Variants in ACTL8 observed in about 807,000 individuals in gnomAD.
ACTL8 encodes actin-like protein 8.
In ACTL8, 3 loss-of-function variants were observed where a neutral mutation model predicts 9.3. The ratio of observed to expected loss-of-function variants is 0.32; its 90% CI spans 0.15 to 0.83. The LOEUF is 0.83. ACTL8 is among the 40% of genes least tolerant of loss of function. The pLI is 0.57. For synonymous variants in ACTL8, 224 were observed against 205.9 expected, an observed-to-expected ratio of 1.09 and a Z score of -0.75; for missense variants, 381 against 492.2, an observed-to-expected ratio of 0.77 and a Z score of 2.14.
At chr1:17,799,276 C>T (rs2066302551) in intron 1 of ACTL8, among the ~76,000 whole-genome samples, 1 of 152,216 alleles carries the variant, frequency 6.6e-6, no homozygotes. Flanking sequence ...CACATCTGTG[C>T]CAGCACCTGT....
chr1:17,770,412 A>G (rs2066074934), intron 1 of ACTL8, among the ~76,000 whole-genome samples: 1 of 152,244 alleles, frequency 6.6e-6, no homozygotes, highest in Non-Finnish European at 1.5e-5. Flanking sequence ...GCCAGTGGGC[A>G]GCCCAAGAGC....
rs764971464 is a variant in ACTL8 at position 17,826,466 on chromosome 1, T to C, written c.1048T>C (p.Tyr350His). 6.2e-7 allele frequency: 1 copy of C among 1,610,416 alleles called. No homozygotes were observed. Among genetic ancestry groups the C allele is most frequent in the Non-Finnish European group, 8.5e-7 (1 of 1,177,778 alleles). ...GASVVAHLST[Y>H]QSEWMSREEY... is the part of the protein sequence containing the mutation. ...GTCCGTGGTGGCTCACCTTTCTACC[T>C]ACCAGTCTGAGTGGATGTCCCGAGA... Residue 350 changes from tyrosine to histidine, a missense_variant, in exon 3 of 3, where the codon TAC becomes CAC. This residue lies in a region of ACTL8 where 243 missense variants were observed against 276.2 expected (regional missense o/e 0.88). Coordinates refer to ENST00000375406, the MANE Select transcript of ACTL8 (RefSeq NM_030812.3). This position sits in a 1 kb window ranked among gnomAD's most constrained non-coding sequence, Gnocchi z 4.5.
chr1:17,814,336 C>G (rs2066410960), intron 1 of ACTL8, among the ~76,000 whole-genome samples: 1 of 152,122 alleles, frequency 6.6e-6, no homozygotes, highest in Admixed American at 6.5e-5. Context: ...TATCTACCAA[C>G]AAAACAAAAC....
chr1:17,768,610 G>A (rs2102677074), intron 1 of ACTL8, among the ~76,000 whole-genome samples: 1 of 152,356 alleles, frequency 6.6e-6, no homozygotes, highest in Non-Finnish European at 1.5e-5. Context: ...AACGGGCTGG[G>A]CTCAGAGTGC....
intron 1 of ACTL8, among the ~76,000 whole-genome samples, chr1:17,799,569 T>C (rs2066305628): frequency 6.6e-6 from 1 of 152,208 alleles, no homozygotes; most frequent in African/African-American, 2.4e-5. Context: ...GTGTTTTCAC[T>C]GAGCAGAAAT....
rs145930628 is a variant in ACTL8, at chr1:17,826,170, T to C, written c.752T>C (p.Met251Thr). 17 of 1,613,028 alleles carry C rather than the reference T, an allele frequency of 1.1e-5. No individual in the cohort carries two copies. The highest frequency in any genetic ancestry group is 3.3e-4 in the Middle Eastern group (2 of 6,058). ...PDGSRVELTP[M>T]QRVAPEMFFS... ...GGCTCCCGCGTGGAGCTGACCCCCA[T>C]GCAGCGGGTGGCTCCTGAGATGTTC... Residue 251 changes from methionine (M) to threonine (T), a missense_variant, in exon 3 of 3, where the codon ATG becomes ACG. By Grantham distance (81) the Met-to-Thr change is moderately conservative (BLOSUM62 -1). This residue lies in a region of ACTL8 where 243 missense variants were observed against 276.2 expected (regional missense o/e 0.88). Coordinates refer to ENST00000375406, the MANE Select transcript of ACTL8 (RefSeq NM_030812.3). The surrounding 1 kb of genome is among the most constrained non-coding windows in gnomAD (Gnocchi z 4.5).
chr1:17,763,298 G>A (rs369795660), intron 1 of ACTL8, among the ~76,000 whole-genome samples: 3 of 152,226 alleles, frequency 2.0e-5, no homozygotes, highest in South Asian at 2.1e-4. Flanking sequence ...TGTTGGCCCC[G>A]AGCTGGCCCA....
In ACTL8 at chr1:17,826,461, CT is replaced by C; in HGVS notation, c.1044del (p.Thr349ProfsTer16). 6.2e-7 allele frequency: 1 copy of C among 1,611,480 alleles called. No individual in the cohort carries two copies. On this transcript the variant is annotated frameshift_variant, in exon 3 of 3. Transcript: ENST00000375406. LOFTEE classifies it low-confidence loss of function (END_TRUNC). The surrounding 1 kb of genome is among the most constrained non-coding windows in gnomAD (Gnocchi z 4.5). ...GGAGCGTCCGTGGTGGCTCACCTTT[CT>C]ACCTACCAGTCTGAGTGGATGTCCC... Reference protein sequence around the residue: ...WLGASVVAHLSTYQSEWMSRE... With the variant: ...WLGASVVAHLXTYQSEWMSRE...
intron 1 of ACTL8, among the ~76,000 whole-genome samples, chr1:17,756,513 C>G (rs2065970371): frequency 6.6e-6 from 1 of 152,136 alleles, no homozygotes. Flanking sequence ...TCTCTTTACT[C>G]CTTATCAGTC....
At chr1:17,800,102 G>A (rs533577678) in intron 1 of ACTL8, among the ~76,000 whole-genome samples, 7 of 152,180 alleles carry the variant, frequency 4.6e-5, no homozygotes, top group South Asian at 2.1e-4. Context: ...AGAACTTATT[G>A]ACCATATTCT....
chr1:17,798,618 G>A (rs544118968), intron 1 of ACTL8, among the ~76,000 whole-genome samples: 1 of 152,332 alleles, frequency 6.6e-6, no homozygotes, highest in South Asian at 2.1e-4. Flanking sequence ...TGAGATGCAT[G>A]AGATTGACTT....
chr1:17,818,032 A>G (rs748809897), intron 1 of ACTL8, among the ~76,000 whole-genome samples: 2 of 151,968 alleles, frequency 1.3e-5, no homozygotes, highest in Non-Finnish European at 2.9e-5. Flanking sequence ...CCATTCAGGA[A>G]CTCCCAATTA....
At chr1:17,765,258 A>C (rs2066036151) in intron 1 of ACTL8, among the ~76,000 whole-genome samples, 1 of 152,166 alleles carries the variant, frequency 6.6e-6, no homozygotes, top group African/African-American at 2.4e-5. Flanking sequence ...GTCCAGGCCA[A>C]GTGTACTAAA....
At chr1:17,824,312 TAAGATAGAAA>T (rs2053693516) in intron 2 of ACTL8, among the ~76,000 whole-genome samples, 1 of 152,182 alleles carries the variant, frequency 6.6e-6, no homozygotes, top group Non-Finnish European at 1.5e-5. Context: ...ATATGTTATG[TAAGATAGAAA>T]GAGAGAGGAA....
At chr1:17,810,391 T>C (rs2066386102) in intron 1 of ACTL8, among the ~76,000 whole-genome samples, 1 of 152,236 alleles carries the variant, frequency 6.6e-6, no homozygotes, top group Admixed American at 6.5e-5. Context: ...AAATACTTTT[T>C]CATGGATCTG....
intron 1 of ACTL8, among the ~76,000 whole-genome samples, chr1:17,801,700 TA>T (rs969367687): frequency 6.6e-6 from 1 of 151,920 alleles, no homozygotes; most frequent in African/African-American, 2.4e-5. Context: ...AAAGTAAATG[TA>T]AAAAAAACAA....
intron 1 of ACTL8, among the ~76,000 whole-genome samples, chr1:17,786,872 G>GTT (rs111871792): frequency 6.8e-6 from 1 of 147,450 alleles, no homozygotes; most frequent in African/African-American, 2.5e-5. Flanking sequence ...TTTTTTAAAT[G>GTT]TTTTTTTTTT....
chr1:17,757,215 C>T (rs377745831), intron 1 of ACTL8, among the ~76,000 whole-genome samples: 15 of 152,148 alleles, frequency 9.9e-5, no homozygotes, highest in African/African-American at 2.6e-4. Context: ...ACTCTTCCTT[C>T]GAGCCACAGT....
chr1:17,803,350 C>T (rs2066337358), intron 1 of ACTL8, among the ~76,000 whole-genome samples: 1 of 152,136 alleles, frequency 6.6e-6, no homozygotes. Flanking sequence ...TATAAATTAC[C>T]CAGTCTTGGG....
Sources: allele counts gnomAD v4.1 joint callset (sites outside exome capture counted in the v4.1 genomes callset), GRCh38; gene constraint gnomAD v4.1.1; regional missense constraint gnomAD v4.1.1; non-coding constraint Gnocchi (gnomAD v3.1); transcripts MANE v1.5; gene names NCBI Gene and HGNC (gene_info 2026-07-23, HGNC 2026-07-21).